Variants in COX14 observed in about 807,000 individuals in gnomAD.
COX14 encodes cytochrome c oxidase assembly factor COX14.
In COX14, 3 loss-of-function variants were observed where a neutral mutation model predicts 5.8. The observed-to-expected ratio is 0.51, with a 90% CI of 0.23 to 1.33. The LOEUF is 1.33. COX14 is among the 40% of genes most tolerant of loss of function. The pLI is 0.18. For synonymous variants in COX14, 25 were observed against 26.1 expected, an observed-to-expected ratio of 0.96 and a Z score of 0.13; for missense variants, 72 against 72.1, an observed-to-expected ratio of 1.00 and a Z score of 0.01.
chr12:50,117,607 C>T (rs1951092302), intron 1 of COX14, among the ~76,000 whole-genome samples: 1 of 144,956 alleles, frequency 6.9e-6, no homozygotes, highest in South Asian at 2.2e-4. Flanking sequence ...GAGACGGTGT[C>T]TCACTCTGTT....
chr12:50,115,015 C>G (rs1330574413), intron 1 of COX14, among the ~76,000 whole-genome samples: 1 of 150,336 alleles, frequency 6.7e-6, no homozygotes, highest in Non-Finnish European at 1.5e-5. Context: ...ATCTGCCCAC[C>G]TTGACCTCCC....
intron 1 of COX14, among the ~76,000 whole-genome samples, chr12:50,116,293 A>G (rs909774223): frequency 6.6e-6 from 1 of 152,090 alleles, no homozygotes; most frequent in African/African-American, 2.4e-5. Flanking sequence ...GGGTTTTGCC[A>G]TGTTGGCCAG....
rs780347602 is a variant in COX14, at chr12:50,120,194, C to T, written c.151C>T (p.Gln51Ter). The change falls in exon 2 of 2, where the codon CAG becomes TAG. Residue 51 changes from glutamine (Q) to a stop codon, truncating the protein, a stop_gained. Coordinates refer to ENST00000550487, the MANE Select transcript of COX14 (RefSeq NM_032901.4). LOFTEE classifies it high-confidence loss of function. ...RRAQRQAAEE[Q>*]KTSGIM ...GGCCCAGCGCCAGGCCGCAGAAGAACAGAAGACCTCAGGAATCATGTAGAA... is the reference window on the plus strand; with the variant it reads ...GGCCCAGCGCCAGGCCGCAGAAGAATAGAAGACCTCAGGAATCATGTAGAA... 1.2e-6 allele frequency: 2 copies of T among 1,614,084 alleles called. No individual in the cohort carries two copies. The highest frequency in any genetic ancestry group is 1.7e-5 in the Admixed American group (1 of 60,008).
At chr12:50,115,594 C>G (rs1455510792) in intron 1 of COX14, among the ~76,000 whole-genome samples, 6 of 151,550 alleles carry the variant, frequency 4.0e-5, no homozygotes, top group African/African-American at 1.2e-4. Context: ...TCCCTGTCAC[C>G]CAGGCTGCAG....
In COX14 at chr12:50,120,225, G is replaced by A. The variant is rs1196513203; in HGVS notation, c.*8G>A. 1 of 1,611,888 alleles carries A rather than the reference G, an allele frequency of 6.2e-7. No individual in the cohort carries two copies. Among genetic ancestry groups the A allele is most frequent in the East Asian group, 2.2e-5 (1 of 44,858 alleles). ...ACCTCAGGAATCATGTAGAACTGGGGGGCTTTTTCTCCTGAGCAGAGAGGC... is the reference window on the plus strand; with the variant it reads ...ACCTCAGGAATCATGTAGAACTGGGAGGCTTTTTCTCCTGAGCAGAGAGGC... On this transcript the variant is annotated 3_prime_UTR_variant, in exon 2 of 2. Coordinates refer to ENST00000550487, the MANE Select transcript of COX14 (RefSeq NM_032901.4).
At chr12:50,112,472 C>G (rs905725435) in intron 1 of COX14, 171 bp downstream of exon 1, 13 of 985,912 alleles carry the variant, frequency 1.3e-5, no homozygotes, top group Non-Finnish European at 1.6e-5. Flanking sequence ...GCTTCCTGCC[C>G]AAGCCCAAGC....
intron 1 of COX14, 46 bp downstream of exon 1, chr12:50,112,347 C>T: frequency 1.0e-6 from 1 of 985,582 alleles, no homozygotes; most frequent in South Asian, 4.7e-5. Flanking sequence ...GTCCCACTGC[C>T]TGCGCGCCCA....
intron 1 of COX14, among the ~76,000 whole-genome samples, chr12:50,119,446 C>T (rs1417059325): frequency 6.6e-6 from 1 of 152,162 alleles, no homozygotes; most frequent in Non-Finnish European, 1.5e-5. Flanking sequence ...AATCCCAGCA[C>T]TTTGGGAGGC....
chr12:50,112,462 G>A, intron 1 of COX14, 161 bp downstream of exon 1: 2 of 985,984 alleles, frequency 2.0e-6, no homozygotes, highest in Non-Finnish European at 2.4e-6. Context: ...GAGCTGCACT[G>A]CTTCCTGCCC....
Position 50,120,111 on chromosome 12 carries a change from C to G in COX14, c.68C>G (p.Thr23Ser). 6.2e-7 allele frequency: 1 copy of G among 1,614,020 alleles called. No homozygotes were observed. The highest frequency in any genetic ancestry group is 1.7e-5 in the Admixed American group (1 of 60,022). ...KTFSTSMMLL[T>S]VYGGYLCSVR... is the part of the protein sequence containing the mutation. ...TTCTCTACCTCCATGATGCTTCTCA[C>G]TGTGTATGGGGGGTACCTCTGCAGT... is the stretch of plus-strand genomic sequence containing the variant. The change falls in exon 2 of 2, where the codon ACT becomes AGT. Residue 23 changes from threonine (T) to serine (S), a missense_variant. Coordinates refer to ENST00000550487, the MANE Select transcript of COX14 (RefSeq NM_032901.4).
chr12:50,119,317 C>T (rs900652196), intron 1 of COX14, among the ~76,000 whole-genome samples: 1 of 152,232 alleles, frequency 6.6e-6, no homozygotes, highest in Non-Finnish European at 1.5e-5. Context: ...GAATAATTCA[C>T]TGCAAATGTT....
intron 1 of COX14, among the ~76,000 whole-genome samples, chr12:50,119,409 C>G (rs1008637174): frequency 6.6e-6 from 1 of 152,224 alleles, no homozygotes; most frequent in African/African-American, 2.4e-5. Flanking sequence ...GCAGCCCTGG[C>G]TGGTGCAGTG....
chr12:50,119,218 T>A (rs1183452955), intron 1 of COX14, among the ~76,000 whole-genome samples: 1 of 152,242 alleles, frequency 6.6e-6, no homozygotes, highest in Non-Finnish European at 1.5e-5. Context: ...AGTGTTGACT[T>A]GGAAACCTAA....
intron 1 of COX14, 148 bp from the exon 2 acceptor site, chr12:50,119,888 T>G: frequency 1.5e-6 from 1 of 652,346 alleles, no homozygotes; most frequent in East Asian, 2.7e-5. Flanking sequence ...AGTATCCCTA[T>G]GAGACTTTAC....
intron 1 of COX14, among the ~76,000 whole-genome samples, chr12:50,117,744 ATT>A (rs35207153): frequency 1.4e-3 from 161 of 113,342 alleles, no homozygotes; most frequent in Middle Eastern, 4.2e-3. Context: ...CGCTGGGCTA[ATT>A]TTTTTTTTTT....
chr12:50,112,302 G>A lies in COX14; in HGVS notation c.-9+1G>A, dbSNP rs1162377689. On this transcript the variant is annotated splice_donor_variant, in intron 1 of 1. Transcript: ENST00000550487. LOFTEE classifies it low-confidence loss of function (5UTR_SPLICE). ...GATGCGAAGGAGCTGCAGCATCCAG[G>A]TACGCTGCCGGCTAGGGCCGAGCAG... 3.0e-6 allele frequency: 3 copies of A among 985,426 alleles called. No individual in the cohort carries two copies. The African/African-American group carries it at 5.2e-5, about 17-fold the overall frequency. 61.0% of individuals were successfully genotyped at this position (985,426 alleles called of 1,614,324 possible).
At chr12:50,117,602 G>A (rs1399674834) in intron 1 of COX14, among the ~76,000 whole-genome samples, 2 of 139,754 alleles carry the variant, frequency 1.4e-5, no homozygotes, top group Admixed American at 7.4e-5. Context: ...TTTTTGAGAC[G>A]GTGTCTCACT....
chr12:50,114,866 CAAG>C lies in COX14; in HGVS notation c.-9+2566_-9+2568del, dbSNP rs1348357195. On this transcript the variant is annotated intron_variant, in intron 1 of 1. Coordinates refer to ENST00000550487, the MANE Select transcript of COX14 (RefSeq NM_032901.4). ...GGCTGCAACTTCCGCCTCCTGGGTT[CAAG>C]CAATTCTCCTGCGTCAGCCTCCAGA... Among the ~76,000 whole-genome samples the C allele has an allele frequency of 6.3e-5, 8 of 127,258 alleles. No homozygotes were observed. In the East Asian group the frequency reaches 2.3e-3, roughly 36 times the overall value. 83.5% of individuals were successfully genotyped at this position (127,258 alleles called of 152,430 possible). A position where few individuals can be genotyped will look rare whatever the true frequency, so the allele number is the denominator to read the frequency against.
intron 1 of COX14, among the ~76,000 whole-genome samples, chr12:50,118,114 T>A (rs1295383347): frequency 1.4e-5 from 2 of 147,744 alleles, no homozygotes; most frequent in Non-Finnish European, 3.0e-5. Context: ...TGGCGCAATC[T>A]CACCTCGCTG....
Sources: allele counts gnomAD v4.1 joint callset (sites outside exome capture counted in the v4.1 genomes callset), GRCh38; gene constraint gnomAD v4.1.1; transcripts MANE v1.5; gene names NCBI Gene and HGNC (gene_info 2026-07-23, HGNC 2026-07-21).